RBM38: variants seen among roughly 807,000 people sequenced by gnomAD.
RBM38 encodes RNA binding motif protein 38.
A neutral mutation model predicts 23.5 loss-of-function variants in RBM38; 11 were observed. The ratio of observed to expected loss-of-function variants is 0.47; its 90% CI spans 0.29 to 0.77. The LOEUF (loss-of-function observed/expected upper bound fraction) is 0.77. Ranked by LOEUF, RBM38 falls within the 30% of genes least tolerant of loss-of-function variation. The pLI is 0.08. For synonymous variants in RBM38, 165 were observed against 166.1 expected, an observed-to-expected ratio of 0.99 and a Z score of 0.05; for missense variants, 330 against 351.9, an observed-to-expected ratio of 0.94 and a Z score of 0.50.
chr20:57,391,947 G>A (rs1437259555), intron 1 of RBM38, 129 bp downstream of exon 1: 33 of 529,166 alleles, frequency 6.2e-5, no homozygotes, highest in Non-Finnish European at 8.6e-5. Context: ...TCCAGCCGGC[G>A]CCCGCACCTG....
intron 3 of RBM38, among the ~76,000 whole-genome samples, chr20:57,396,738 G>T (rs943487449): frequency 6.6e-6 from 1 of 152,320 alleles, no homozygotes; most frequent in African/African-American, 2.4e-5. Flanking sequence ...AATGTCTCCA[G>T]ACATTGCCAA....
chr20:57,391,863 A>G, intron 1 of RBM38, 45 bp downstream of exon 1: 1 of 1,342,216 alleles, frequency 7.5e-7, no homozygotes, highest in East Asian at 3.2e-5. Context: ...CGCACACCTT[A>G]TCGCGGCCCG....
At chr20:57,397,769 G>T (rs747636485) in intron 3 of RBM38, among the ~76,000 whole-genome samples, 2 of 152,236 alleles carry the variant, frequency 1.3e-5, no homozygotes, top group Non-Finnish European at 2.9e-5. Flanking sequence ...CTGTATGCCA[G>T]ACCTGGTGCC....
rs1293107953 is a variant in RBM38 at position 57,391,756 on chromosome 20, G to A, written c.175G>A (p.Asp59Asn). The A allele has an allele frequency of 6.4e-7, 1 of 1,571,560 alleles. No individual in the cohort carries two copies. The highest frequency in any genetic ancestry group is 8.6e-7 in the Non-Finnish European group (1 of 1,158,744). The change falls in exon 1 of 4, where the codon GAC becomes AAC. Residue 59 changes from aspartate (D) to asparagine (N), a missense_variant. By Grantham distance (23) the Asp-to-Asn change is conservative (BLOSUM62 1). Around this residue, in one of 3 missense-constraint regions of RBM38, gnomAD observed 95 missense variants for 111.9 expected, o/e 0.85. Coordinates refer to ENST00000356208, the MANE Select transcript of RBM38 (RefSeq NM_017495.6). ...CAGGAAGTACTTCGAGGGCTTCGGC[G>A]ACATCGAGGAGGCCGTGGTCATCAC... ...SLRKYFEGFGDIEEAVVITDR... is the reference protein window; with the variant it reads ...SLRKYFEGFGNIEEAVVITDR...
Position 57,407,778 on chromosome 20 carries a change from G to T in RBM38, c.652G>T (p.Ala218Ser). 6.2e-7 allele frequency: 1 copy of T among 1,605,750 alleles called. No individual in the cohort carries two copies. Residue 218 changes from alanine to serine, a missense_variant, in exon 4 of 4, where the codon GCA (alanine) becomes TCA (serine). Transcript: ENST00000356208. The surrounding 1 kb of genome is among the most constrained non-coding windows in gnomAD (Gnocchi z 4.0). ...CGCCGTGCCCCAGGCCCTCTCAGCC[G>T]CAGCACCCGCGGGCACCACTTTCGT... ...PAAVPQALSAAAPAGTTFVQY... is the reference protein window; with the variant it reads ...PAAVPQALSASAPAGTTFVQY...
chr20:57,402,410 T>C (rs2067337689), intron 3 of RBM38, among the ~76,000 whole-genome samples: 1 of 152,140 alleles, frequency 6.6e-6, no homozygotes, highest in African/African-American at 2.4e-5. Flanking sequence ...TTGGATGGTG[T>C]GGGCATAGGC....
Position 57,398,249 on chromosome 20 carries a change from C to CGTGTGTGT in RBM38, c.416+4935_416+4942dup, listed in dbSNP as rs3067272. Among the ~76,000 whole-genome samples the CGTGTGTGT allele has an allele frequency of 6.7e-5, 10 of 149,020 alleles. No individual in the cohort carries two copies. In the East Asian group the frequency reaches 7.9e-4, roughly 12 times the overall value. ...CAGAGGAGCTGTTTGCAGGTGATGGCGTGTGTGTGTGTGTGTGTGTGTGTG... is the reference window on the plus strand; with the variant it reads ...CAGAGGAGCTGTTTGCAGGTGATGGCGTGTGTGTGTGTGTGTGTGTGTGTGTGTGTGTG... On this transcript the variant is annotated intron_variant, in intron 3 of 3. Coordinates refer to ENST00000356208, the MANE Select transcript of RBM38 (RefSeq NM_017495.6).
intron 3 of RBM38, among the ~76,000 whole-genome samples, chr20:57,393,783 A>G (rs2067245353): frequency 1.3e-5 from 2 of 152,144 alleles, no homozygotes; most frequent in Admixed American, 6.5e-5. Flanking sequence ...GCAGTAGGTC[A>G]TTGCTACCAA....
rs113308323 is a variant in RBM38, at chr20:57,407,420, T to G, written c.417-123T>G. On this transcript the variant is annotated intron_variant, in intron 3 of 3. Coordinates refer to ENST00000356208, the MANE Select transcript of RBM38 (RefSeq NM_017495.6). This position sits in a 1 kb window ranked among gnomAD's most constrained non-coding sequence, Gnocchi z 4.0. ...TGGCCAGGTGCTGTTTCTGTGCCCA[T>G]CTGACCGATGAGGAAAGTCGGGGCT... 88 of 1,148,622 alleles carry G rather than the reference T, an allele frequency of 7.7e-5. 1 individual carries two copies. In the African/African-American group the frequency reaches 1.0e-3, roughly 14 times the overall value. The allele number at this position is 1,148,622 out of a possible 1,614,324, so 71.2% of individuals were successfully genotyped here.
chr20:57,400,216 C>G (rs1036347621), intron 3 of RBM38, among the ~76,000 whole-genome samples: 2 of 152,188 alleles, frequency 1.3e-5, no homozygotes, highest in Non-Finnish European at 2.9e-5. Context: ...GGGCTTGGGG[C>G]TCTTCCTGCC....
chr20:57,394,403 G>T (rs1050202376), intron 3 of RBM38, among the ~76,000 whole-genome samples: 1 of 152,166 alleles, frequency 6.6e-6, no homozygotes, highest in Admixed American at 6.5e-5. Context: ...CCCACTTTTT[G>T]GGAACGCTTG....
Position 57,391,819 on chromosome 20 carries a change from G to C in RBM38, c.237+1G>C. 6.5e-7 allele frequency: 1 copy of C among 1,537,776 alleles called. No individual in the cohort carries two copies. Among genetic ancestry groups the C allele is most frequent in the South Asian group, 1.2e-5 (1 of 84,688 alleles). On this transcript the variant is annotated splice_donor_variant, in intron 1 of 3. Coordinates refer to ENST00000356208, the MANE Select transcript of RBM38 (RefSeq NM_017495.6). LOFTEE classifies it high-confidence loss of function. ...GGGCAAGTCCCGCGGCTACGGCTTCGTAAGTGGCCCCCGCGCCCGGGCCCG... is the reference window on the plus strand; with the variant it reads ...GGGCAAGTCCCGCGGCTACGGCTTCCTAAGTGGCCCCCGCGCCCGGGCCCG...
At chr20:57,400,789 G>A (rs1161568864) in intron 3 of RBM38, among the ~76,000 whole-genome samples, 2 of 152,154 alleles carry the variant, frequency 1.3e-5, no homozygotes, top group Non-Finnish European at 1.5e-5. Context: ...GTTTTCTGCA[G>A]AGGATGAGGA....
chr20:57,406,326 C>T (rs989395334), intron 3 of RBM38, among the ~76,000 whole-genome samples: 8 of 152,168 alleles, frequency 5.3e-5, no homozygotes, highest in African/African-American at 1.9e-4. Flanking sequence ...GTTGTATGGC[C>T]AGCCCACAGC....
At chr20:57,398,436 G>T (rs1398920028) in intron 3 of RBM38, among the ~76,000 whole-genome samples, 1 of 152,202 alleles carries the variant, frequency 6.6e-6, no homozygotes, top group African/African-American at 2.4e-5. Flanking sequence ...CAGGGCAGGG[G>T]CAGAAGCTGA....
intron 3 of RBM38, among the ~76,000 whole-genome samples, chr20:57,401,501 T>C (rs1050897651): frequency 1.3e-5 from 2 of 152,228 alleles, no homozygotes; most frequent in South Asian, 4.1e-4. Context: ...GGGGCTCTTT[T>C]GCCTCCCAGC....
intron 3 of RBM38, among the ~76,000 whole-genome samples, chr20:57,403,909 T>A (rs1426879508): frequency 6.6e-6 from 1 of 152,248 alleles, no homozygotes; most frequent in Admixed American, 6.5e-5. Context: ...CGTGAGCCAC[T>A]GCGCCCAGCC....
At chr20:57,399,573 G>A (rs1051819609) in intron 3 of RBM38, among the ~76,000 whole-genome samples, 1 of 152,224 alleles carries the variant, frequency 6.6e-6, no homozygotes, top group Admixed American at 6.5e-5. Context: ...GTACAGTTTT[G>A]GGGAGAAGGT....
chr20:57,400,088 C>T (rs1485451307), intron 3 of RBM38: 2 of 438,296 alleles, frequency 4.6e-6, no homozygotes, highest in South Asian at 1.6e-5. Context: ...GGCCCAAGCC[C>T]TCTGTCTTGG....
Sources: allele counts gnomAD v4.1 joint callset (sites outside exome capture counted in the v4.1 genomes callset), GRCh38; gene constraint gnomAD v4.1.1; regional missense constraint gnomAD v4.1.1; non-coding constraint Gnocchi (gnomAD v3.1); transcripts MANE v1.5; gene names NCBI Gene and HGNC (gene_info 2026-07-23, HGNC 2026-07-21).